RHCE: variants seen among roughly 807,000 people sequenced by gnomAD.
The protein encoded by RHCE is Rh blood group CcEe antigens.
In RHCE, 22 loss-of-function variants were observed where a neutral mutation model predicts 43.8. The observed-to-expected ratio is 0.50, with a 90% confidence interval of 0.36 to 0.72. The LOEUF (loss-of-function observed/expected upper bound fraction) is 0.72. RHCE is among the 30% of genes least tolerant of loss of function. The pLI, the probability that RHCE is intolerant of heterozygous loss-of-function variation, is 0.00. For synonymous variants in RHCE, 156 were observed against 210.7 expected (o/e 0.74, Z 2.25); for missense variants, 385 against 525.4 (o/e 0.73, Z 2.61).
intron 3 of RHCE, among the ~76,000 whole-genome samples, chr1:25,395,572 G>A (rs1167738460): frequency 2.0e-5 from 3 of 151,904 alleles, no homozygotes; most frequent in Non-Finnish European, 1.5e-5. Flanking sequence ...CACCTTTATG[G>A]TTCTTACACT....
chr1:25,399,809 C>T (rs990782280), intron 3 of RHCE, among the ~76,000 whole-genome samples: 3 of 152,072 alleles, frequency 2.0e-5, no homozygotes, highest in Admixed American at 1.3e-4. Context: ...GGGCAAGTTT[C>T]CCCATAGACG....
chr1:25,414,068 C>G (rs1352584337), intron 1 of RHCE, among the ~76,000 whole-genome samples: 1 of 152,158 alleles, frequency 6.6e-6, no homozygotes, highest in African/African-American at 2.4e-5. Flanking sequence ...ATGCAAGTCA[C>G]TTTGCCCAGC....
intron 3 of RHCE, 63 bp from the exon 4 acceptor site, chr1:25,392,204 T>A: frequency 6.2e-7 from 1 of 1,613,036 alleles, no homozygotes; most frequent in South Asian, 1.1e-5. Flanking sequence ...AAAGCCCTGA[T>A]GGTCCTTGGA....
upstream of RHCE, among the ~76,000 whole-genome samples, chr1:25,423,481 G>T (rs753814032): frequency 1.4e-4 from 22 of 152,184 alleles, no homozygotes; most frequent in Non-Finnish European, 1.2e-4. Flanking sequence ...ATCCCTGTGC[G>T]TCCTGATCCT....
At chr1:25,425,074 C>G (rs181049772), upstream of RHCE, among the ~76,000 whole-genome samples, 141 of 152,218 alleles carry the variant, frequency 9.3e-4, no homozygotes, top group East Asian at 0.024. Flanking sequence ...ACCTTGGCCT[C>G]GCAAAGTACT....
intron 1 of RHCE, among the ~76,000 whole-genome samples, chr1:25,418,702 T>C (rs2042673332): frequency 6.6e-6 from 1 of 152,234 alleles, no homozygotes; most frequent in Non-Finnish European, 1.5e-5. Flanking sequence ...GTGCCCTCAC[T>C]TGGATGACCC....
Position 25,402,750 on chromosome 1 carries a change from G to C in RHCE, c.336-4C>G. ...ACTCATGGTGGCCAGCCGAATACTG[G>C]GGGTGAGAAGGAGAGCCAGGATGAC... On this transcript the variant is annotated splice_polypyrimidine_tract_variant and splice_region_variant and intron_variant, in intron 2 of 9. Coordinates refer to ENST00000294413, the MANE Select transcript of RHCE (RefSeq NM_020485.8). 2 of 1,614,166 alleles carry C rather than the reference G, an allele frequency of 1.2e-6. No individual in the cohort carries two copies. Among genetic ancestry groups the C allele is most frequent in the African/African-American group, 2.7e-5 (2 of 75,040 alleles).
At chr1:25,417,934 G>A (rs563255628) in intron 1 of RHCE, among the ~76,000 whole-genome samples, 14 of 152,226 alleles carry the variant, frequency 9.2e-5, no homozygotes, top group Admixed American at 5.2e-4. Flanking sequence ...CAAACTTGTC[G>A]CGCTCCTGTT....
chr1:25,419,057 G>A (rs1388570557), intron 1 of RHCE, among the ~76,000 whole-genome samples: 1 of 152,160 alleles, frequency 6.6e-6, no homozygotes, highest in Non-Finnish European at 1.5e-5. Context: ...ATTTAAATAC[G>A]CTGTGCTATT....
rs994617881 is a variant in RHCE, at chr1:25,410,436, AT to A, written c.149-1568del. On this transcript the variant is annotated intron_variant, in intron 1 of 9. Transcript: ENST00000294413. ...ATTTTCTGCAACCAGCATGTAGACA[AT>A]TTTTTTTTTTTCGAGACAGAGTCTC... is the stretch of plus-strand genomic sequence containing the variant. Among the ~76,000 whole-genome samples the A allele has an allele frequency of 5.7e-4, 83 of 145,906 alleles. 1 individual carries two copies. The East Asian group carries it at 8.8e-3, about 15-fold the overall frequency.
intron 8 of RHCE, among the ~76,000 whole-genome samples, chr1:25,374,453 T>C (rs1645724388): frequency 6.6e-6 from 1 of 152,036 alleles, no homozygotes; most frequent in African/African-American, 2.4e-5. Flanking sequence ...TTTTTGCTTT[T>C]CTATTGTATT....
At chr1:25,415,933 A>T (rs1452615167) in intron 1 of RHCE, among the ~76,000 whole-genome samples, 1 of 151,930 alleles carries the variant, frequency 6.6e-6, no homozygotes, top group Non-Finnish European at 1.5e-5. Flanking sequence ...TCTGATCAGT[A>T]GGTCTGGCCT....
intron 1 of RHCE, among the ~76,000 whole-genome samples, chr1:25,416,365 G>A (rs1301542675): frequency 2.0e-5 from 3 of 152,042 alleles, no homozygotes; most frequent in South Asian, 2.1e-4. Flanking sequence ...CTGGGTTCAC[G>A]CCATTCTCCT....
chr1:25,405,562 G>A (rs1318753632), intron 2 of RHCE, among the ~76,000 whole-genome samples: 1 of 151,174 alleles, frequency 6.6e-6, no homozygotes, highest in Admixed American at 6.6e-5. Context: ...GCTGAGGTGG[G>A]AGGATCACTT....
chr1:25,411,438 A>G (rs1464808047), intron 1 of RHCE: 5 of 1,549,918 alleles, frequency 3.2e-6, no homozygotes, highest in Non-Finnish European at 3.5e-6. Flanking sequence ...TATAAAGTAC[A>G]TTTAAATTCA....
chr1:25,376,286 G>C (rs1645784500), intron 7 of RHCE, among the ~76,000 whole-genome samples: 1 of 152,166 alleles, frequency 6.6e-6, no homozygotes, highest in Admixed American at 6.5e-5. Context: ...GGGGCCCCTG[G>C]ATGCTGAATG....
intron 8 of RHCE, among the ~76,000 whole-genome samples, chr1:25,372,085 T>A (rs1645626115): frequency 1.3e-5 from 2 of 151,692 alleles, no homozygotes; most frequent in Admixed American, 6.6e-5. Context: ...ATATTTAGAC[T>A]TTTTAAAAAA....
upstream of RHCE, among the ~76,000 whole-genome samples, chr1:25,425,296 A>G (rs1358468037): frequency 6.6e-6 from 1 of 152,210 alleles, no homozygotes; most frequent in Non-Finnish European, 1.5e-5. Flanking sequence ...CACGGAACCA[A>G]TCATTTTGCA....
At chr1:25,380,477 C>A (rs2124370308) in intron 7 of RHCE, among the ~76,000 whole-genome samples, 1 of 152,068 alleles carries the variant, frequency 6.6e-6, no homozygotes, top group South Asian at 2.1e-4. Context: ...GTGGCCCCAC[C>A]CTTGTAGCTC....
Sources: allele counts gnomAD v4.1 joint callset (sites outside exome capture counted in the v4.1 genomes callset), GRCh38; gene constraint gnomAD v4.1.1; transcripts MANE v1.5; gene names NCBI Gene and HGNC (gene_info 2026-07-23, HGNC 2026-07-21).